The following AKAP6 variants were observed in gnomAD, a reference collection of about 807,000 sequenced individuals.
The protein encoded by AKAP6 is A-kinase anchoring protein 6, also known as A-kinase anchor protein 6.
AKAP6 carries 58 observed loss-of-function variants against 188.5 expected under a neutral mutation model. That is an observed-to-expected ratio of 0.31 (90% CI 0.25 to 0.38). The LOEUF (loss-of-function observed/expected upper bound fraction) is 0.38, where lower values mean the gene tolerates loss of function less well. Ranked by LOEUF, AKAP6 falls within the 10% of genes least tolerant of loss-of-function variation. AKAP6 has a pLI of 1.00. For synonymous variants in AKAP6, 989 were observed against 998.6 expected, an observed-to-expected ratio of 0.99 and a Z score of 0.18; for missense variants, 2,710 against 2,740.0, an observed-to-expected ratio of 0.99 and a Z score of 0.24.
intron 2 of AKAP6, among the ~76,000 whole-genome samples, chr14:32,521,484 CA>C (rs1881830022): frequency 6.6e-6 from 1 of 152,146 alleles, no homozygotes; most frequent in Non-Finnish European, 1.5e-5. Flanking sequence ...GCAACTTCAG[CA>C]AAGTCTCAGG....
intron 4 of AKAP6, among the ~76,000 whole-genome samples, chr14:32,557,803 T>C (rs1883757746): frequency 6.6e-6 from 1 of 152,240 alleles, no homozygotes; most frequent in Non-Finnish European, 1.5e-5. Context: ...TCCTTTTATC[T>C]TCTTTCCCAT....
rs144137692 is a variant in AKAP6, at chr14:32,476,560, C to T, written c.324+42743C>T. ...ACTGGATTTTAGCCCTGTTTCCCAT[C>T]GAATTTTATCTAGTCATATTTGACT... On this transcript the variant is annotated intron_variant, in intron 2 of 13. Transcript: ENST00000280979. 2.0e-5 allele frequency among the ~76,000 whole-genome samples: 3 copies of T among 152,250 alleles called. No individual in the cohort carries two copies. In the East Asian group the frequency reaches 5.8e-4, roughly 29 times the overall value.
At chr14:32,336,218 GT>G (rs201832854) in intron 1 of AKAP6, among the ~76,000 whole-genome samples, 7,546 of 146,260 alleles carry the variant, frequency 0.052, 258 homozygotes, top group South Asian at 0.12. Context: ...AAAAAGGTAA[GT>G]TTTTTTTTTT....
Position 32,821,423 on chromosome 14 carries a change from C to G in AKAP6, c.3610C>G (p.Pro1204Ala), listed in dbSNP as rs772663126. The G allele has an allele frequency of 6.2e-7, 1 of 1,610,770 alleles. No homozygotes were observed. Among genetic ancestry groups the G allele is most frequent in the South Asian group, 1.1e-5 (1 of 90,548 alleles). The change falls in exon 13 of 14, where the codon CCT becomes GCT. Residue 1204 changes from proline (P) to alanine (A), a missense_variant. This residue lies in a region of AKAP6 where 2,473 missense variants were observed against 2,426.1 expected (regional missense o/e 1.02). Transcript: ENST00000280979. Reference protein sequence around the residue: ...KESETLNVIDPGLMDLNGMSE... With the variant: ...KESETLNVIDAGLMDLNGMSE... Reference sequence around the variant, plus strand: ...ACAGGAGACTTTGAATGTGATTGATCCTGGCTTGATGGACCTAAATGGGAT... The same window carrying G: ...ACAGGAGACTTTGAATGTGATTGATGCTGGCTTGATGGACCTAAATGGGAT...
chr14:32,788,278 T>G (rs1046038597), intron 12 of AKAP6, among the ~76,000 whole-genome samples: 1 of 152,108 alleles, frequency 6.6e-6, no homozygotes, highest in Non-Finnish European at 1.5e-5. Context: ...CATGGCAAAT[T>G]ATTTAACTTT....
chr14:32,407,255 GA>G (rs1889326485), intron 1 of AKAP6, among the ~76,000 whole-genome samples: 1 of 152,134 alleles, frequency 6.6e-6, no homozygotes, highest in East Asian at 1.9e-4. Flanking sequence ...CTAATCTATG[GA>G]AAAGGTTGTT....
intron 3 of AKAP6, among the ~76,000 whole-genome samples, chr14:32,540,929 G>A (rs969818934): frequency 4.0e-5 from 6 of 150,810 alleles, no homozygotes; most frequent in Middle Eastern, 3.4e-3. Flanking sequence ...TAGTTACCCC[G>A]TGAGGGATAA....
intron 12 of AKAP6, among the ~76,000 whole-genome samples, chr14:32,811,579 G>A (rs1213715102): frequency 6.6e-6 from 1 of 152,136 alleles, no homozygotes; most frequent in Non-Finnish European, 1.5e-5. Context: ...TGAAGTGAAG[G>A]CAGTCTTGTG....
At chr14:32,407,801 C>G (rs1159808626) in intron 1 of AKAP6, among the ~76,000 whole-genome samples, 2 of 152,072 alleles carry the variant, frequency 1.3e-5, no homozygotes, top group Admixed American at 6.6e-5. Context: ...ATACAAAATC[C>G]CCACGGATTC....
intron 12 of AKAP6, among the ~76,000 whole-genome samples, chr14:32,790,254 C>G (rs536930455): frequency 5.3e-5 from 8 of 152,222 alleles, no homozygotes; most frequent in African/African-American, 1.9e-4. Flanking sequence ...GATTGGGGTA[C>G]TTGAAAGAGA....
At chr14:32,646,973 A>T (rs907255173) in intron 7 of AKAP6, among the ~76,000 whole-genome samples, 1 of 152,178 alleles carries the variant, frequency 6.6e-6, no homozygotes, top group African/African-American at 2.4e-5. Context: ...CTTAAAGTTC[A>T]TAGGAAAGGC....
intron 2 of AKAP6, among the ~76,000 whole-genome samples, chr14:32,532,702 A>G (rs1353353392): frequency 6.6e-6 from 1 of 152,188 alleles, no homozygotes; most frequent in Non-Finnish European, 1.5e-5. Flanking sequence ...TCTCCTAGGT[A>G]TGTAAGATAT....
intron 7 of AKAP6, among the ~76,000 whole-genome samples, chr14:32,637,967 A>G (rs1244210935): frequency 6.6e-6 from 1 of 152,108 alleles, no homozygotes; most frequent in Non-Finnish European, 1.5e-5. Flanking sequence ...AAGTGCCATA[A>G]TCTTCAACCA....
At chr14:32,759,504 T>C (rs1477173334) in intron 11 of AKAP6, among the ~76,000 whole-genome samples, 1 of 152,182 alleles carries the variant, frequency 6.6e-6, no homozygotes, top group Non-Finnish European at 1.5e-5. Context: ...CCAATGAGTG[T>C]CTGTTTAGTC....
intron 5 of AKAP6, among the ~76,000 whole-genome samples, chr14:32,578,093 C>T (rs1884809127): frequency 6.6e-6 from 1 of 152,032 alleles, no homozygotes. Context: ...TGATTTTCTG[C>T]CCCTCTTACA....
At chr14:32,523,347 A>T (rs1881952914) in intron 2 of AKAP6, among the ~76,000 whole-genome samples, 1 of 152,190 alleles carries the variant, frequency 6.6e-6, no homozygotes, top group Admixed American at 6.5e-5. Flanking sequence ...AAAGAATATC[A>T]TCATGCTACA....
chr14:32,577,237 C>T lies in AKAP6; in HGVS notation c.2464C>T (p.His822Tyr). The change falls in exon 5 of 14, where the codon CAC (histidine) becomes TAC (tyrosine). Residue 822 changes from histidine (H) to tyrosine (Y), a missense_variant. Physicochemically the swap from His to Tyr is moderately conservative, Grantham distance 83 (BLOSUM62 2). Around this residue, in one of 2 missense-constraint regions of AKAP6, gnomAD observed 2,473 missense variants for 2,426.1 expected, o/e 1.02. Transcript: ENST00000280979. ...TGACCTTAAACTGTATCTGGAGACACACTTGGTAGGCAAGATTGTGTTGTT... is the reference window on the plus strand; with the variant it reads ...TGACCTTAAACTGTATCTGGAGACATACTTGGTAGGCAAGATTGTGTTGTT... The part of the protein sequence containing the change: ...MDDLKLYLET[H>Y]LSFKLNVDSH... 6.2e-7 allele frequency: 1 copy of T among 1,609,138 alleles called. No individual in the cohort carries two copies. Among genetic ancestry groups the T allele is most frequent in the Non-Finnish European group, 8.5e-7 (1 of 1,178,386 alleles).
intron 7 of AKAP6, among the ~76,000 whole-genome samples, chr14:32,624,649 C>G (rs1216573421): frequency 6.6e-6 from 1 of 151,986 alleles, no homozygotes; most frequent in Non-Finnish European, 1.5e-5. Flanking sequence ...TATAAGAAAA[C>G]ATACTTCTTT....
chr14:32,735,725 T>C lies in AKAP6; in HGVS notation c.3215T>C (p.Leu1072Pro). 6.2e-7 allele frequency: 1 copy of C among 1,613,460 alleles called. No homozygotes were observed. Among genetic ancestry groups the C allele is most frequent in the Non-Finnish European group, 8.5e-7 (1 of 1,179,766 alleles). ...GHSGSSPRDL[L>P]SPESGSLVRQ... is the part of the protein sequence containing the mutation. ...AGTGGGTCGAGTCCACGTGACCTGC[T>C]CTCTCCTGAAAGTGGAAGCCTGGTA... Residue 1072 changes from leucine (L) to proline (P), a missense_variant, in exon 11 of 14, where the codon CTC becomes CCC. Coordinates refer to ENST00000280979, the MANE Select transcript of AKAP6 (RefSeq NM_004274.5).
Sources: gnomAD v4.1 joint callset for allele counts (sites outside exome capture counted in the v4.1 genomes callset) on GRCh38, gnomAD v4.1.1 for gene constraint, gnomAD v4.1.1 regional missense constraint, MANE v1.5 for transcripts, NCBI Gene and HGNC (gene_info 2026-07-23, HGNC 2026-07-21) for gene names.